RTTN: variants seen among roughly 807,000 people sequenced by gnomAD.
RTTN encodes the protein rotatin.
A neutral mutation model predicts 269.2 loss-of-function variants in RTTN; 182 were observed. The observed-to-expected ratio is 0.68, with a 90% CI of 0.60 to 0.76. The LOEUF (loss-of-function observed/expected upper bound fraction) is 0.76, where lower values mean the gene tolerates loss of function less well. Ranked by LOEUF, RTTN falls within the 30% of genes least tolerant of loss-of-function variation. The probability of loss-of-function intolerance (pLI) is 0.00; values close to 1 mark genes in which losing one functional copy is unlikely to be tolerated. For synonymous variants in RTTN, 1,006 were observed against 963.5 expected (o/e 1.04, Z -0.82); for missense variants, 2,545 against 2,608.6 (o/e 0.98, Z 0.53).
At chr18:70,158,255 A>G (rs2060735678) in intron 14 of RTTN, among the ~76,000 whole-genome samples, 1 of 152,246 alleles carries the variant, frequency 6.6e-6, no homozygotes. Context: ...CAGACCTTTC[A>G]GCAGAAACCT....
intron 28 of RTTN, among the ~76,000 whole-genome samples, chr18:70,094,542 C>G (rs144752174): frequency 7.8e-4 from 119 of 152,252 alleles, no homozygotes; most frequent in African/African-American, 2.5e-3. Context: ...GTGTTATTTA[C>G]CCAGTAGTCA....
intron 37 of RTTN, among the ~76,000 whole-genome samples, chr18:70,055,268 TAA>T (rs2057784382): frequency 6.6e-6 from 1 of 152,156 alleles, no homozygotes; most frequent in African/African-American, 2.4e-5. Context: ...GTGAATTTTA[TAA>T]AGATATTCTG....
chr18:70,205,070 A>G (rs1054457681), intron 2 of RTTN, 58 bp downstream of exon 2: 1 of 1,521,964 alleles, frequency 6.6e-7, no homozygotes, highest in Admixed American at 1.9e-5. Flanking sequence ...GCTACAATTA[A>G]ATGACTAAGA....
Position 70,065,270 on chromosome 18 carries a change from T to TAAAAAAAA in RTTN, c.4747+551_4747+558dup, listed in dbSNP as rs61422284. On this transcript the variant is annotated intron_variant, in intron 35 of 48. Transcript: ENST00000640769. The stretch of plus-strand genomic sequence containing the variant: ...TAAGGCTTATATACTCTCTAGAATT[T>TAAAAAAAA]AAAAAAAAAAAAAAAAAGCAAAGTT... 1.4e-4 allele frequency among the ~76,000 whole-genome samples: 18 copies of TAAAAAAAA among 132,906 alleles called. 1 individual carries two copies. Among genetic ancestry groups the TAAAAAAAA allele is most frequent in the South Asian group, 2.4e-4 (1 of 4,192 alleles). 87.2% of individuals were successfully genotyped at this position (132,906 alleles called of 152,430 possible).
intron 46 of RTTN, among the ~76,000 whole-genome samples, chr18:70,009,384 C>T (rs1010992204): frequency 6.6e-6 from 1 of 152,126 alleles, no homozygotes; most frequent in African/African-American, 2.4e-5. Flanking sequence ...GGTCCGCCCA[C>T]CTTGGCCTCC....
rs1466552307 is a variant in RTTN, at chr18:70,028,755, C to G, written c.5792G>C (p.Arg1931Thr). ...TTCCTCATTTTGATAAAGACAGTTT[C>G]TTAGGAGCTGCATGGCAATGCTTAA... ...KELSIAMQLL[R>T]NCLYQNEECK... Residue 1931 changes from arginine (R) to threonine (T), a missense_variant, in exon 43 of 49, where the codon AGA becomes ACA. Arg to Thr is a moderately conservative substitution (Grantham distance 71, BLOSUM62 -1). Transcript: ENST00000640769. 1.9e-6 allele frequency: 3 copies of G among 1,611,850 alleles called. No homozygotes were observed. The highest frequency in any genetic ancestry group is 1.7e-5 in the Admixed American group (1 of 59,832).
In RTTN at chr18:70,166,170, G is replaced by A. The variant is rs1200271202; in HGVS notation, c.1821C>T (p.Ala607=). Residue 607 remains alanine, a synonymous_variant, in exon 14 of 49, where the codon GCC becomes GCT. Transcript: ENST00000640769. ...GACTTTCTCCTTGTAGTAATGGACT[G>A]GCCTGAGCAGATTTCCAGCTGGTGA... ...ICSKIWKSAQ[A]SPLLQGESQK... The A allele has an allele frequency of 2.5e-6, 4 of 1,611,930 alleles. No individual in the cohort carries two copies. The highest frequency in any genetic ancestry group is 3.4e-6 in the Non-Finnish European group (4 of 1,178,682).
chr18:70,014,047 T>C (rs1213588810), intron 46 of RTTN, among the ~76,000 whole-genome samples: 1 of 152,222 alleles, frequency 6.6e-6, no homozygotes, highest in Non-Finnish European at 1.5e-5. Context: ...GTTTTCAATT[T>C]TGGCCACTGA....
chr18:70,196,412 C>A lies in RTTN; in HGVS notation c.841+89G>T. On this transcript the variant is annotated intron_variant, in intron 7 of 48. Coordinates refer to ENST00000640769, the MANE Select transcript of RTTN (RefSeq NM_173630.4). ...AGTTTATGTTGTGAAAATGCGTACACAATAAACCCTAACAGTAACTATAAT... is the reference window on the plus strand; with the variant it reads ...AGTTTATGTTGTGAAAATGCGTACAAAATAAACCCTAACAGTAACTATAAT... 5 of 1,177,052 alleles carry A rather than the reference C, an allele frequency of 4.2e-6. No homozygotes were observed. The South Asian group carries it at 6.2e-5, about 15-fold the overall frequency. The allele number at this position is 1,177,052 out of a possible 1,614,324, so 72.9% of individuals were successfully genotyped here.
chr18:70,104,724 C>T lies in RTTN; in HGVS notation c.3903+4774G>A, dbSNP rs148276792. Among the ~76,000 whole-genome samples the T allele has an allele frequency of 3.6e-3, 545 of 152,232 alleles. 3 individuals are homozygous for T. Among genetic ancestry groups the T allele is most frequent in the African/African-American group, 0.012 (515 of 41,532 alleles). ...TAGTTTTCCTTCTAACAGTCAGGAC[C>T]CTCAGCTGCAGGTCTGCTGGAGTTT... On this transcript the variant is annotated intron_variant, in intron 28 of 48. Transcript: ENST00000640769.
At position 70,017,384 on chromosome 18, in the gene RTTN, T is replaced by C. The variant is rs768023014; in HGVS notation, c.6421+23A>G. 6 of 1,602,982 alleles carry C rather than the reference T, an allele frequency of 3.7e-6. No individual in the cohort carries two copies. The East Asian group carries it at 8.9e-5, about 24-fold the overall frequency. On this transcript the variant is annotated intron_variant, in intron 46 of 48. Coordinates refer to ENST00000640769, the MANE Select transcript of RTTN (RefSeq NM_173630.4). Reference sequence around the variant, plus strand: ...GTCTATGAATAACTACATATATAAATGTATGTGTGTGTGAAAACTTACCAT... The same window carrying C: ...GTCTATGAATAACTACATATATAAACGTATGTGTGTGTGAAAACTTACCAT...
At chr18:70,160,735 T>C (rs1568485090) in intron 14 of RTTN, among the ~76,000 whole-genome samples, 2 of 151,298 alleles carry the variant, frequency 1.3e-5, no homozygotes, top group African/African-American at 4.9e-5. Context: ...TCGGTGAAGT[T>C]CCAAGATATA....
At chr18:70,091,974 C>CA (rs1318906966) in intron 30 of RTTN, 136 bp downstream of exon 30, 1 of 452,064 alleles carries the variant, frequency 2.2e-6, no homozygotes, top group Non-Finnish European at 4.1e-6. Context: ...AGGATGGTCT[C>CA]AATCTCCTGA....
Position 70,086,876 on chromosome 18 carries a change from C to CTTAGGTAATGACCTTG in RTTN, c.4303-208_4303-193dup, listed in dbSNP as rs547648403. Among the ~76,000 whole-genome samples the CTTAGGTAATGACCTTG allele has an allele frequency of 4.6e-5, 7 of 152,120 alleles. No homozygotes were observed. In the East Asian group the frequency reaches 5.8e-4, roughly 13 times the overall value. ...GTATTTCTTGTTAGGTGATGACCTTCTTAGGTAATGACCTTGTTAGGTAAT... is the reference window on the plus strand; with the variant it reads ...GTATTTCTTGTTAGGTGATGACCTTCTTAGGTAATGACCTTGTTAGGTAATGACCTTGTTAGGTAAT... On this transcript the variant is annotated intron_variant, in intron 31 of 48. Coordinates refer to ENST00000640769, the MANE Select transcript of RTTN (RefSeq NM_173630.4).
intron 14 of RTTN, among the ~76,000 whole-genome samples, chr18:70,157,693 C>A (rs1190612310): frequency 6.6e-6 from 1 of 151,996 alleles, no homozygotes; most frequent in African/African-American, 2.4e-5. Flanking sequence ...AGGCTGAAGC[C>A]CCACCCATGG....
chr18:70,089,956 T>A (rs962442457), intron 30 of RTTN, among the ~76,000 whole-genome samples: 1 of 152,146 alleles, frequency 6.6e-6, no homozygotes, highest in Non-Finnish European at 1.5e-5. Context: ...TCTCAGCCTA[T>A]CTGTGCAAAA....
intron 46 of RTTN, among the ~76,000 whole-genome samples, chr18:70,010,676 A>T (rs1274047385): frequency 6.6e-6 from 1 of 152,242 alleles, no homozygotes; most frequent in Non-Finnish European, 1.5e-5. Flanking sequence ...CAATTAAAAG[A>T]ACTAGAGAAG....
chr18:70,041,740 G>C (rs2057346206), intron 40 of RTTN, among the ~76,000 whole-genome samples: 1 of 152,072 alleles, frequency 6.6e-6, no homozygotes, highest in East Asian at 1.9e-4. Context: ...AAAATTTGTG[G>C]GCAAGGGTAT....
In RTTN at chr18:70,057,736, G is replaced by A. The variant is rs2057858694; in HGVS notation, c.5031+6C>T. ...ACAAACCCACAAACAGACTTGAGAT[G>A]CTTACCTGAGCCTGAGTGTGTTCAG... On this transcript the variant is annotated splice_donor_region_variant and intron_variant, in intron 37 of 48. Coordinates refer to ENST00000640769, the MANE Select transcript of RTTN (RefSeq NM_173630.4). 6.2e-7 allele frequency: 1 copy of A among 1,611,224 alleles called. No homozygotes were observed. The highest frequency in any genetic ancestry group is 1.7e-4 in the Middle Eastern group (1 of 6,052).
Sources: gnomAD v4.1 joint callset for allele counts (sites outside exome capture counted in the v4.1 genomes callset) on GRCh38, gnomAD v4.1.1 for gene constraint, MANE v1.5 for transcripts, NCBI Gene and HGNC (gene_info 2026-07-23, HGNC 2026-07-21) for gene names.